GDE1: variants seen among roughly 807,000 people sequenced by gnomAD.
GDE1 encodes RGS16-interacting membrane protein.
Under a neutral mutation model 32.2 loss-of-function variants are expected in GDE1, and 24 were observed. That is an observed-to-expected ratio of 0.75 (90% CI 0.54 to 1.05). GDE1 has a LOEUF of 1.05. GDE1 is among the 50% of genes least tolerant of loss of function. The pLI, the probability that GDE1 is intolerant of heterozygous loss-of-function variation, is 0.00. For synonymous variants in GDE1, 159 were observed against 158.6 expected, an observed-to-expected ratio of 1.00 and a Z score of -0.02; for missense variants, 380 against 415.0, an observed-to-expected ratio of 0.92 and a Z score of 0.73.
intron 2 of GDE1, among the ~76,000 whole-genome samples, chr16:19,516,163 T>C (rs1343735628): frequency 6.6e-6 from 1 of 152,220 alleles, no homozygotes; most frequent in African/African-American, 2.4e-5. Context: ...CTTTGGAAGC[T>C]ACGTTTACAC....
chr16:19,507,902 G>C, intron 3 of GDE1, 123 bp from the exon 4 acceptor site: 2 of 577,858 alleles, frequency 3.5e-6, no homozygotes, highest in Non-Finnish European at 6.2e-6. Flanking sequence ...TAGAAATGGA[G>C]GTACTGAAAG....
chr16:19,504,084 A>C (rs1444105303), intron 5 of GDE1: 2 of 154,538 alleles, frequency 1.3e-5, no homozygotes, highest in African/African-American at 4.8e-5. Context: ...CTCACCCTTC[A>C]GATCTTAGCT....
rs59519757 is a variant in GDE1 at position 19,502,374 on chromosome 16, CTTTTTTTTTTTTTT to C, written c.*1082_*1095del. 3 of 82,192 alleles carry C rather than the reference CTTTTTTTTTTTTTT, an allele frequency of 3.6e-5. No individual in the cohort carries two copies. In the Admixed American group the frequency reaches 4.5e-4, roughly 12 times the overall value. 5.1% of individuals were successfully genotyped at this position (82,192 alleles called of 1,614,324 possible). A position where few individuals can be genotyped will look rare whatever the true frequency, so the allele number is the denominator to read the frequency against. ...AAGATGTTCTAGAAGTTCTAGTTATCTTTTTTTTTTTTTTTTTTTTTTTTTTTTTAAGAGTCAGG... is the reference window on the plus strand; with the variant it reads ...AAGATGTTCTAGAAGTTCTAGTTATCTTTTTTTTTTTTTTTAAGAGTCAGG... On this transcript the variant is annotated 3_prime_UTR_variant, in exon 6 of 6. Transcript: ENST00000353258.
rs1969323481 is a variant in GDE1 at position 19,511,935 on chromosome 16, G to A, written c.438-991C>T. Among the ~76,000 whole-genome samples, 4 of 151,988 alleles carry A rather than the reference G, an allele frequency of 2.6e-5. No homozygotes were observed. In the South Asian group the frequency reaches 8.3e-4, roughly 32 times the overall value. On this transcript the variant is annotated intron_variant, in intron 2 of 5. Coordinates refer to ENST00000353258, the MANE Select transcript of GDE1 (RefSeq NM_016641.4). ...ATGGCTAACTACATAGTATTCCATTGAGTATATTTACCACAGTTTATCCAT... is the reference window on the plus strand; with the variant it reads ...ATGGCTAACTACATAGTATTCCATTAAGTATATTTACCACAGTTTATCCAT...
At chr16:19,506,773 A>T (rs1247009759) in intron 4 of GDE1, among the ~76,000 whole-genome samples, 1 of 152,208 alleles carries the variant, frequency 6.6e-6, no homozygotes, top group Non-Finnish European at 1.5e-5. Context: ...TGGATATTTG[A>T]TGATATGAAT....
Position 19,503,237 on chromosome 16 carries a change from G to A in GDE1, c.*233C>T. On this transcript the variant is annotated 3_prime_UTR_variant, in exon 6 of 6. Coordinates refer to ENST00000353258, the MANE Select transcript of GDE1 (RefSeq NM_016641.4). ...GCTAGGGCAGGGCAGGGGCTCTTGTGCGTTTTTTCAGACCCAGATTTTCAA... is the reference window on the plus strand; with the variant it reads ...GCTAGGGCAGGGCAGGGGCTCTTGTACGTTTTTTCAGACCCAGATTTTCAA... The A allele has an allele frequency of 1.9e-6, 1 of 518,248 alleles. No homozygotes were observed. The highest frequency in any genetic ancestry group is 3.2e-5 in the Admixed American group (1 of 30,878). The allele number at this position is 518,248 out of a possible 1,614,324, so 32.1% of individuals were successfully genotyped here.
chr16:19,505,005 C>A lies in GDE1; in HGVS notation c.724G>T (p.Asp242Tyr), dbSNP rs766140341. ...SHTGDGKPRY[D>Y]TFWKHFIFVM... Reference sequence around the variant, plus strand: ...AATATAAAATGTTTCCAGAAAGTATCATAGCGTGGTTTCCCATCTCCTGTA... The same window carrying A: ...AATATAAAATGTTTCCAGAAAGTATAATAGCGTGGTTTCCCATCTCCTGTA... The change falls in exon 5 of 6, where the codon GAT becomes TAT. Residue 242 changes from aspartate to tyrosine, a missense_variant. Physicochemically the swap from Asp to Tyr is radical, Grantham distance 160. Transcript: ENST00000353258. 2 of 1,612,852 alleles carry A rather than the reference C, an allele frequency of 1.2e-6. No individual in the cohort carries two copies. Among genetic ancestry groups the A allele is most frequent in the South Asian group, 2.2e-5 (2 of 91,058 alleles).
intron 1 of GDE1, among the ~76,000 whole-genome samples, chr16:19,517,450 C>T (rs772628946): frequency 3.0e-4 from 45 of 152,204 alleles, no homozygotes; most frequent in Admixed American, 7.9e-4. Flanking sequence ...TAGGAGACTT[C>T]AGGAACTTAT....
At chr16:19,507,465 A>G (rs933220068) in intron 4 of GDE1, among the ~76,000 whole-genome samples, 2 of 152,212 alleles carry the variant, frequency 1.3e-5, no homozygotes, top group African/African-American at 4.8e-5. Context: ...GTGAGCCTAT[A>G]AACAACATAA....
intron 3 of GDE1, among the ~76,000 whole-genome samples, chr16:19,509,683 G>A (rs907229135): frequency 6.8e-5 from 10 of 147,400 alleles, no homozygotes; most frequent in African/African-American, 2.3e-4. Flanking sequence ...TTTTTGAGAC[G>A]GAGTCTCGCT....
chr16:19,522,079 G>T lies in GDE1; in HGVS notation c.-115C>A, dbSNP rs1031982744. On this transcript the variant is annotated 5_prime_UTR_variant, in exon 1 of 6. Transcript: ENST00000353258. ...ACCGGCAGCAGCAGGAACCCTCTGA[G>T]GGGACCAGCGCCGCACAATGGCGGC... 1 of 1,089,612 alleles carries T rather than the reference G, an allele frequency of 9.2e-7. No homozygotes were observed. Among genetic ancestry groups the T allele is most frequent in the Non-Finnish European group, 1.3e-6 (1 of 781,776 alleles). 67.5% of individuals were successfully genotyped at this position (1,089,612 alleles called of 1,614,324 possible).
At chr16:19,505,213 A>G in intron 4 of GDE1, 121 bp from the exon 5 acceptor site, 1 of 686,196 alleles carries the variant, frequency 1.5e-6, no homozygotes, top group Non-Finnish European at 2.6e-6. Context: ...CTGCCCCGGT[A>G]TCTACTAAAT....
In GDE1 at chr16:19,504,920, C is replaced by T; in HGVS notation, c.809G>A (p.Gly270Glu). 1 of 1,613,332 alleles carries T rather than the reference C, an allele frequency of 6.2e-7. No individual in the cohort carries two copies. Among genetic ancestry groups the T allele is most frequent in the Non-Finnish European group, 8.5e-7 (1 of 1,179,502 alleles). The change falls in exon 5 of 6, where the codon GGA becomes GAA. Residue 270 changes from glycine (G) to glutamate (E), a missense_variant. Gly to Glu is a moderately conservative substitution (Grantham distance 98). Transcript: ENST00000353258. ...CTTTTGCATGAGGAAAGCTGAAATTCCACACAGGTACCACAAGATATTATG... is the reference window on the plus strand; with the variant it reads ...CTTTTGCATGAGGAAAGCTGAAATTTCACACAGGTACCACAAGATATTATG... ...SMHNILWYLC[G>E]ISAFLMQKDF... is the part of the protein sequence containing the mutation.
intron 2 of GDE1, 145 bp downstream of exon 2, chr16:19,516,869 C>A (rs1188607572): frequency 3.3e-6 from 2 of 607,226 alleles, no homozygotes; most frequent in Non-Finnish European, 2.8e-6. Context: ...TTGTTCCTGG[C>A]ACTTGCTCAT....
At chr16:19,509,810 G>A (rs1157583229) in intron 3 of GDE1, among the ~76,000 whole-genome samples, 1 of 151,890 alleles carries the variant, frequency 6.6e-6, no homozygotes, top group Non-Finnish European at 1.5e-5. Flanking sequence ...ACAGGTGCCC[G>A]CCACCAAGTC....
At chr16:19,516,057 G>C (rs1969376827) in intron 2 of GDE1, among the ~76,000 whole-genome samples, 1 of 152,188 alleles carries the variant, frequency 6.6e-6, no homozygotes, top group Non-Finnish European at 1.5e-5. Context: ...GATGTGGACT[G>C]TTTATCCACA....
intron 2 of GDE1, among the ~76,000 whole-genome samples, chr16:19,514,608 T>G (rs1969357771): frequency 6.6e-6 from 1 of 152,226 alleles, no homozygotes; most frequent in African/African-American, 2.4e-5. Flanking sequence ...TAAGTGCAAC[T>G]GTTTAAAATA....
intron 4 of GDE1, among the ~76,000 whole-genome samples, chr16:19,506,653 A>C (rs1182303630): frequency 1.3e-5 from 2 of 151,964 alleles, no homozygotes; most frequent in South Asian, 2.1e-4. Context: ...AACAAACAAA[A>C]AAAGATTTAC....
At chr16:19,511,090 A>C (rs1019321676) in intron 2 of GDE1, 146 bp from the exon 3 acceptor site, 2 of 471,814 alleles carry the variant, frequency 4.2e-6, no homozygotes, top group African/African-American at 4.3e-5. Flanking sequence ...GTCCAAAGAT[A>C]CTTTACTTTA....
Sources: gnomAD v4.1 joint callset for allele counts (sites outside exome capture counted in the v4.1 genomes callset) on GRCh38, gnomAD v4.1.1 for gene constraint, MANE v1.5 for transcripts, NCBI Gene and HGNC (gene_info 2026-07-23, HGNC 2026-07-21) for gene names.